The following FOXP2 variants were observed in gnomAD, a reference collection of about 807,000 sequenced individuals.
The protein encoded by FOXP2 is forkhead box P2.
FOXP2 carries 12 observed loss-of-function variants against 115.8 expected under a neutral mutation model. That is an observed-to-expected ratio of 0.10 (90% CI 0.07 to 0.17). The LOEUF is 0.17. Ranked by LOEUF, FOXP2 falls within the 10% of genes least tolerant of loss-of-function variation. FOXP2 has a pLI of 1.00. For missense variants in FOXP2, 629 were observed against 843.5 expected (o/e 0.75, Z 3.15); for synonymous variants, 328 against 297.7 (o/e 1.10, Z -1.05).
intron 1 of FOXP2, among the ~76,000 whole-genome samples, chr7:114,210,601 G>A (rs1010497751): frequency 5.9e-5 from 9 of 152,270 alleles, no homozygotes; most frequent in Non-Finnish European, 1.2e-4. Context: ...ACCCCTGTTC[G>A]GAGGTCTCAC....
chr7:114,386,526 A>G (rs545939295), intron 2 of FOXP2, among the ~76,000 whole-genome samples: 1 of 152,344 alleles, frequency 6.6e-6, no homozygotes, highest in South Asian at 2.1e-4. Context: ...TCTCCTGGGC[A>G]CAAGATTGTA....
intron 6 of FOXP2, among the ~76,000 whole-genome samples, chr7:114,634,000 C>CTTT (rs1306304563): frequency 3.3e-5 from 5 of 151,394 alleles, no homozygotes; most frequent in African/African-American, 9.7e-5. Context: ...AAAACTGTAT[C>CTTT]TTTTCTTTTT....
chr7:114,207,157 C>A lies in FOXP2; in HGVS notation c.-102+44069C>A, dbSNP rs140699059. On this transcript the variant is annotated intron_variant, in intron 1 of 17. Coordinates refer to the FOXP2 transcript ENST00000634411. Reference sequence around the variant, plus strand: ...ATCAGTACTTCATTCCTTTTTCTGGCCAAATAATATTCTGTTGTTTGGGTA... The same window carrying A: ...ATCAGTACTTCATTCCTTTTTCTGGACAAATAATATTCTGTTGTTTGGGTA... Among the ~76,000 whole-genome samples, 28 of 152,252 alleles carry A rather than the reference C, an allele frequency of 1.8e-4. No homozygotes were observed. In the East Asian group the frequency reaches 5.4e-3, roughly 29 times the overall value.
intron 2 of FOXP2, among the ~76,000 whole-genome samples, chr7:114,481,926 A>G (rs936471261): frequency 4.6e-5 from 7 of 151,294 alleles, no homozygotes; most frequent in South Asian, 2.1e-4. Flanking sequence ...ACATTGATGT[A>G]TAATCAGGAA....
At chr7:114,411,606 G>A (rs1013358231), upstream of FOXP2, among the ~76,000 whole-genome samples, 3 of 152,080 alleles carry the variant, frequency 2.0e-5, no homozygotes, top group African/African-American at 4.8e-5. Context: ...TTTAGTAAAT[G>A]CCACCGATTT....
intron 1 of FOXP2, among the ~76,000 whole-genome samples, chr7:114,206,526 C>A (rs2129160794): frequency 6.6e-6 from 1 of 152,242 alleles, no homozygotes; most frequent in South Asian, 2.1e-4. Flanking sequence ...CCTTCCACGA[C>A]AATTCCATTT....
Position 114,692,398 on chromosome 7 carries a change from G to A in FOXP2, c.*2472G>A, listed in dbSNP as rs1194459281. Reference sequence around the variant, plus strand: ...TTATACCAGAAAAACCTCCAAAACTGCAATTGCTTTGAAAATAGATTTTAG... The same window carrying A: ...TTATACCAGAAAAACCTCCAAAACTACAATTGCTTTGAAAATAGATTTTAG... On this transcript the variant is annotated 3_prime_UTR_variant, in exon 17 of 17. Coordinates refer to ENST00000350908, the MANE Select transcript of FOXP2 (RefSeq NM_014491.4). 1 of 451,182 alleles carries A rather than the reference G, an allele frequency of 2.2e-6. No individual in the cohort carries two copies. Among genetic ancestry groups the A allele is most frequent in the African/African-American group, 2.0e-5 (1 of 49,700 alleles). 27.9% of individuals were successfully genotyped at this position (451,182 alleles called of 1,614,324 possible). A position where few individuals can be genotyped will look rare whatever the true frequency, so the allele number is the denominator to read the frequency against.
chr7:114,106,104 A>G (rs1033298562), intron 1 of FOXP2, among the ~76,000 whole-genome samples: 2 of 152,102 alleles, frequency 1.3e-5, no homozygotes, highest in South Asian at 4.1e-4. Context: ...AGGCTTTGGC[A>G]TCAGACAGAT....
intron 2 of FOXP2, among the ~76,000 whole-genome samples, chr7:114,394,647 A>C (rs892921327): frequency 6.6e-6 from 1 of 152,216 alleles, no homozygotes; most frequent in Non-Finnish European, 1.5e-5. Context: ...TATAATGAGA[A>C]AAACGAGCAT....
chr7:114,099,573 G>A (rs972059402), intron 1 of FOXP2, among the ~76,000 whole-genome samples: 1 of 152,176 alleles, frequency 6.6e-6, no homozygotes, highest in Non-Finnish European at 1.5e-5. Context: ...GTACTCACAT[G>A]CTCATTACAG....
chr7:114,263,524 G>A (rs1430419340), intron 1 of FOXP2, among the ~76,000 whole-genome samples: 2 of 150,716 alleles, frequency 1.3e-5, no homozygotes, highest in Non-Finnish European at 3.0e-5. Context: ...TGTGATCATA[G>A]CTCACTGTAA....
At chr7:114,323,149 C>A (rs541023687) in intron 2 of FOXP2, among the ~76,000 whole-genome samples, 5 of 152,008 alleles carry the variant, frequency 3.3e-5, no homozygotes, top group South Asian at 2.1e-4. Context: ...GGGTATACAC[C>A]CCAGTGAATG....
chr7:114,176,211 CTT>C (rs1793286888), intron 1 of FOXP2, among the ~76,000 whole-genome samples: 1 of 151,216 alleles, frequency 6.6e-6, no homozygotes, highest in South Asian at 2.1e-4. Context: ...CTTGTCTTGT[CTT>C]GTCTTGTCTT....
intron 1 of FOXP2, among the ~76,000 whole-genome samples, chr7:114,173,301 C>A (rs913561906): frequency 7.2e-5 from 11 of 151,760 alleles, no homozygotes; most frequent in Non-Finnish European, 1.5e-5. Context: ...AATACACTTT[C>A]AGTTTTAAAA....
At chr7:114,586,113 G>A (rs1802117595) in intron 3 of FOXP2, among the ~76,000 whole-genome samples, 1 of 152,012 alleles carries the variant, frequency 6.6e-6, no homozygotes, top group Non-Finnish European at 1.5e-5. Flanking sequence ...AAGATTTTTG[G>A]AGTTTTGCCT....
At chr7:114,277,766 A>C (rs116167159) in intron 1 of FOXP2, among the ~76,000 whole-genome samples, 1 of 151,974 alleles carries the variant, frequency 6.6e-6, no homozygotes, top group South Asian at 2.1e-4. Context: ...TTGATTAAAA[A>C]AGCAGAAAGA....
At chr7:114,183,700 G>A (rs936398478) in intron 1 of FOXP2, among the ~76,000 whole-genome samples, 2 of 152,052 alleles carry the variant, frequency 1.3e-5, no homozygotes, top group African/African-American at 4.8e-5. Context: ...TATCATATAT[G>A]CACTTTTTAT....
intron 16 of FOXP2, chr7:114,668,529 T>C (rs1280687461): frequency 3.3e-5 from 5 of 152,098 alleles, no homozygotes; most frequent in Non-Finnish European, 7.4e-5. Context: ...ACTAGTCCTA[T>C]TTTTTTCCAA....
chr7:114,494,145 A>G (rs1797200737), intron 2 of FOXP2, among the ~76,000 whole-genome samples: 1 of 152,170 alleles, frequency 6.6e-6, no homozygotes, highest in African/African-American at 2.4e-5. Context: ...TGTTGCAATA[A>G]CAAAGTAAAG....
Sources: allele counts gnomAD v4.1 joint callset (sites outside exome capture counted in the v4.1 genomes callset), GRCh38; gene constraint gnomAD v4.1.1; transcripts MANE v1.5; gene names NCBI Gene and HGNC (gene_info 2026-07-23, HGNC 2026-07-21).